Variants in ADAMTS17 observed in about 807,000 individuals in gnomAD.
The protein encoded by ADAMTS17 is A disintegrin and metalloproteinase with thrombospondin motifs 17.
In ADAMTS17, 113 loss-of-function variants were observed where a neutral mutation model predicts 141.5. The observed-to-expected ratio is 0.80, with a 90% CI of 0.69 to 0.93. The LOEUF is 0.93. ADAMTS17 is among the 40% of genes least tolerant of loss of function. ADAMTS17 has a pLI of 0.00. For synonymous variants in ADAMTS17, 768 were observed against 630.6 expected (o/e 1.22, Z -3.27); for missense variants, 1,659 against 1,517.9 (o/e 1.09, Z -1.54).
At chr15:100,179,029 C>A (rs1410382453) in intron 8 of ADAMTS17, among the ~76,000 whole-genome samples, 1 of 152,110 alleles carries the variant, frequency 6.6e-6, no homozygotes, top group African/African-American at 2.4e-5. Context: ...TTGATACAGA[C>A]ATACAATGTC....
chr15:100,106,634 T>C (rs1283659837), intron 14 of ADAMTS17, among the ~76,000 whole-genome samples: 2 of 152,178 alleles, frequency 1.3e-5, no homozygotes, highest in African/African-American at 4.8e-5. Context: ...TGCCTCCCCA[T>C]TGGCAAGAAC....
intron 3 of ADAMTS17, among the ~76,000 whole-genome samples, chr15:100,315,384 G>A (rs2045532735): frequency 1.3e-5 from 2 of 152,060 alleles, no homozygotes; most frequent in South Asian, 2.1e-4. Context: ...ACTGGTGATC[G>A]GCCGATCTCA....
In ADAMTS17 at chr15:99,976,217, C is replaced by T. The variant is rs139663417; in HGVS notation, c.2955G>A (p.Ser985=). 445 of 1,545,428 alleles carry T rather than the reference C, an allele frequency of 2.9e-4. 3 individuals carry two copies. In the African/African-American group the frequency reaches 5.1e-3, roughly 18 times the overall value. ...EWKTGDWSTC[S]STCGKGLQSR... is the part of the protein sequence containing the mutation. Reference sequence around the variant, plus strand: ...ACTGCAGGCCCTTCCCGCAGGTCGACGAGCACTGCAGAGACAGGACAGCCT... The same window carrying T: ...ACTGCAGGCCCTTCCCGCAGGTCGATGAGCACTGCAGAGACAGGACAGCCT... The change falls in exon 21 of 22, where the codon TCG becomes TCA. Residue 985 remains serine (S), a synonymous_variant. Transcript: ENST00000268070.
At chr15:100,331,452 A>G (rs1351290898) in intron 2 of ADAMTS17, among the ~76,000 whole-genome samples, 1 of 152,192 alleles carries the variant, frequency 6.6e-6, no homozygotes, top group Non-Finnish European at 1.5e-5. Flanking sequence ...CCTAATGGAA[A>G]AATGTATCTT....
chr15:100,083,600 C>G (rs984599495), intron 15 of ADAMTS17, among the ~76,000 whole-genome samples: 2 of 152,040 alleles, frequency 1.3e-5, no homozygotes, highest in Non-Finnish European at 2.9e-5. Flanking sequence ...AATGCCTTGG[C>G]ATTGTTACCA....
intron 7 of ADAMTS17, among the ~76,000 whole-genome samples, chr15:100,216,445 G>A (rs2041971120): frequency 6.6e-6 from 1 of 152,178 alleles, no homozygotes; most frequent in African/African-American, 2.4e-5. Context: ...AAGAGCTGGG[G>A]ACTGGGAAAA....
At chr15:100,260,340 G>A (rs1056947680) in intron 6 of ADAMTS17, among the ~76,000 whole-genome samples, 2 of 152,186 alleles carry the variant, frequency 1.3e-5, no homozygotes, top group African/African-American at 2.4e-5. Context: ...ATGGCCAGGC[G>A]TGGTGGCTCA....
In ADAMTS17 at chr15:99,971,450, CATTTT is replaced by C. The variant is rs1450820707; in HGVS notation, c.*2947_*2951del. On this transcript the variant is annotated 3_prime_UTR_variant, in exon 22 of 22. Coordinates refer to ENST00000268070, the MANE Select transcript of ADAMTS17 (RefSeq NM_139057.4). ...ACAGCTTTAAACTGTTATGGAAAAA[CATTTT>C]ATTACACATATTCAACTTGCTTCCA... The C allele has an allele frequency of 6.6e-6, 1 of 152,206 alleles. No individual in the cohort carries two copies. Among genetic ancestry groups the C allele is most frequent in the Non-Finnish European group, 1.5e-5 (1 of 68,032 alleles). 9.4% of individuals were successfully genotyped at this position (152,206 alleles called of 1,614,324 possible).
At chr15:100,304,662 G>C (rs1436992114) in intron 3 of ADAMTS17, among the ~76,000 whole-genome samples, 1 of 152,174 alleles carries the variant, frequency 6.6e-6, no homozygotes, top group Admixed American at 6.5e-5. Flanking sequence ...CTACCTCACA[G>C]TTATTCTCAT....
Position 100,331,000 on chromosome 15 carries a change from A to G in ADAMTS17, c.505T>C (p.Ser169Pro), listed in dbSNP as rs1488728695. The G allele has an allele frequency of 3.7e-6, 6 of 1,614,058 alleles. No individual in the cohort carries two copies. The highest frequency in any genetic ancestry group is 5.1e-6 in the Non-Finnish European group (6 of 1,180,020). Reference protein sequence around the residue: ...EQVLIQPLNNSQGPFSGREHL... With the variant: ...EQVLIQPLNNPQGPFSGREHL... The stretch of plus-strand genomic sequence containing the variant: ...TCTCGTCCACTGAATGGGCCCTGGG[A>G]GTTGTTGAGGGGCTGGATTAGCACC... The change falls in exon 3 of 22, where the codon TCC becomes CCC. Residue 169 changes from serine (S) to proline (P), a missense_variant. Transcript: ENST00000268070.
intron 7 of ADAMTS17, among the ~76,000 whole-genome samples, chr15:100,251,993 G>C (rs2043170236): frequency 6.6e-6 from 1 of 152,196 alleles, no homozygotes; most frequent in Non-Finnish European, 1.5e-5. Context: ...TGTTGTTAAA[G>C]CCACTCAGTT....
At chr15:100,287,327 T>C (rs543522772) in intron 3 of ADAMTS17, among the ~76,000 whole-genome samples, 6 of 152,176 alleles carry the variant, frequency 3.9e-5, no homozygotes, top group African/African-American at 1.4e-4. Context: ...CTGAATTAAC[T>C]CAGGCAGACA....
At chr15:100,160,059 C>T (rs2039618676) in intron 8 of ADAMTS17, among the ~76,000 whole-genome samples, 1 of 88,258 alleles carries the variant, frequency 1.1e-5, no homozygotes, top group Admixed American at 9.6e-5. Flanking sequence ...GGAATGGCCC[C>T]CCAGTAAAGA....
At chr15:100,240,049 T>C (rs1429278838) in intron 7 of ADAMTS17, among the ~76,000 whole-genome samples, 1 of 152,168 alleles carries the variant, frequency 6.6e-6, no homozygotes, top group Non-Finnish European at 1.5e-5. Context: ...GGCAGATCAG[T>C]GAGCCTGCTC....
chr15:100,021,438 G>A (rs943406094), intron 18 of ADAMTS17, among the ~76,000 whole-genome samples: 1 of 152,118 alleles, frequency 6.6e-6, no homozygotes, highest in Admixed American at 6.5e-5. Context: ...GCCACCCTTC[G>A]CTAGGGTGCC....
chr15:100,055,852 T>C (rs1479387141), intron 15 of ADAMTS17, among the ~76,000 whole-genome samples: 4 of 152,226 alleles, frequency 2.6e-5, no homozygotes, highest in Non-Finnish European at 4.4e-5. Flanking sequence ...CTCTGAATTA[T>C]TGTCATCACT....
chr15:100,092,277 T>G (rs151072328), intron 15 of ADAMTS17, among the ~76,000 whole-genome samples: 5 of 152,228 alleles, frequency 3.3e-5, no homozygotes, highest in Non-Finnish European at 7.3e-5. Flanking sequence ...CGTCAGTTTA[T>G]GTAAGCATTT....
At chr15:100,309,272 A>C (rs1436244256) in intron 3 of ADAMTS17, among the ~76,000 whole-genome samples, 1 of 152,162 alleles carries the variant, frequency 6.6e-6, no homozygotes, top group Non-Finnish European at 1.5e-5. Flanking sequence ...CGAGTGTGGG[A>C]GGATCGCTCG....
chr15:100,294,959 C>A (rs1005523028), intron 3 of ADAMTS17, among the ~76,000 whole-genome samples: 9 of 152,224 alleles, frequency 5.9e-5, no homozygotes, highest in Admixed American at 5.9e-4. Context: ...ATGGCCGCAA[C>A]AACTGGGCTT....
Sources: gnomAD v4.1 joint callset for allele counts (sites outside exome capture counted in the v4.1 genomes callset) on GRCh38, gnomAD v4.1.1 for gene constraint, MANE v1.5 for transcripts, NCBI Gene and HGNC (gene_info 2026-07-23, HGNC 2026-07-21) for gene names.